The following GPC5 variants were observed in gnomAD, a reference collection of about 807,000 sequenced individuals.
The protein encoded by GPC5 is glypican 5, also known as glypican-5.
In GPC5, 47 loss-of-function variants were observed where a neutral mutation model predicts 53.9. That is an observed-to-expected ratio of 0.87 (90% CI 0.69 to 1.11). GPC5 has a LOEUF of 1.11. Among genes scored for constraint, GPC5 ranks in the 50% most tolerant of loss-of-function variants. GPC5 has a pLI of 0.00. For synonymous variants in GPC5, 286 were observed against 263.3 expected, an observed-to-expected ratio of 1.09 and a Z score of -0.84; for missense variants, 748 against 713.1, an observed-to-expected ratio of 1.05 and a Z score of -0.56.
chr13:92,365,223 C>T (rs559900630), intron 7 of GPC5, among the ~76,000 whole-genome samples: 8 of 151,712 alleles, frequency 5.3e-5, no homozygotes, highest in Admixed American at 4.6e-4. Context: ...TACAAACCTG[C>T]ATAGTACGTT....
intron 7 of GPC5, among the ~76,000 whole-genome samples, chr13:92,529,562 A>T (rs200183585): frequency 2.4e-4 from 36 of 152,310 alleles, no homozygotes; most frequent in African/African-American, 8.2e-4. Flanking sequence ...AATCTAATAT[A>T]GTAATGTAAC....
chr13:92,163,460 C>CAAAAAAAAAAA (rs35480023), intron 7 of GPC5, among the ~76,000 whole-genome samples: 9 of 90,360 alleles, frequency 1.0e-4, no homozygotes, highest in East Asian at 5.4e-4. Flanking sequence ...GATTCCATCT[C>CAAAAAAAAAAA]AAAAAAAAAA....
intron 7 of GPC5, among the ~76,000 whole-genome samples, chr13:92,696,098 TG>T (rs1260588107): frequency 1.2e-4 from 18 of 152,298 alleles, no homozygotes; most frequent in African/African-American, 4.1e-4. Context: ...AGTCTATCGT[TG>T]ATGGGCATTT....
intron 7 of GPC5, among the ~76,000 whole-genome samples, chr13:92,418,577 G>A (rs1384935957): frequency 6.6e-6 from 1 of 151,972 alleles, no homozygotes. Flanking sequence ...AATACTATTA[G>A]GTAAAATTAC....
At chr13:92,472,960 T>G (rs1331649745) in intron 7 of GPC5, among the ~76,000 whole-genome samples, 1 of 152,124 alleles carries the variant, frequency 6.6e-6, no homozygotes, top group Non-Finnish European at 1.5e-5. Flanking sequence ...TTTTGATACC[T>G]AGATAATTCT....
intron 7 of GPC5, among the ~76,000 whole-genome samples, chr13:92,654,820 G>T (rs750286775): frequency 1.3e-5 from 2 of 151,630 alleles, no homozygotes; most frequent in East Asian, 1.9e-4. Context: ...CTGTGAATGT[G>T]ACTTTATTTG....
At chr13:91,490,159 A>G (rs1430318459) in intron 2 of GPC5, among the ~76,000 whole-genome samples, 3 of 152,132 alleles carry the variant, frequency 2.0e-5, no homozygotes, top group Non-Finnish European at 4.4e-5. Flanking sequence ...ATAATTGGAG[A>G]GGGGATGGGT....
chr13:92,199,854 G>C (rs1038977554), intron 7 of GPC5, among the ~76,000 whole-genome samples: 3 of 152,036 alleles, frequency 2.0e-5, no homozygotes, highest in African/African-American at 7.2e-5. Context: ...AATCCCTCTA[G>C]ACTGCTGTAT....
chr13:92,080,841 C>T (rs184936534), intron 6 of GPC5, among the ~76,000 whole-genome samples: 6 of 152,318 alleles, frequency 3.9e-5, no homozygotes, highest in Admixed American at 2.0e-4. Flanking sequence ...AGATACCCAT[C>T]CTACACACAT....
intron 2 of GPC5, among the ~76,000 whole-genome samples, chr13:91,646,326 T>TA (rs1187287117): frequency 7.6e-6 from 1 of 132,238 alleles, no homozygotes; most frequent in African/African-American, 4.4e-5. Context: ...AAAATATATA[T>TA]TTTTTTAACA....
chr13:92,297,764 C>T (rs532094338), intron 7 of GPC5, among the ~76,000 whole-genome samples: 80 of 152,094 alleles, frequency 5.3e-4, no homozygotes, highest in African/African-American at 8.9e-4. Context: ...GCAGGCTGCC[C>T]GAGCCAGCAT....
chr13:92,323,509 C>T (rs2139226061), intron 7 of GPC5, among the ~76,000 whole-genome samples: 1 of 151,582 alleles, frequency 6.6e-6, no homozygotes, highest in East Asian at 1.9e-4. Context: ...CATTTAATAT[C>T]TTATGTAAAT....
At chr13:92,305,743 T>C (rs2139203324) in intron 7 of GPC5, among the ~76,000 whole-genome samples, 1 of 152,308 alleles carries the variant, frequency 6.6e-6, no homozygotes, top group South Asian at 2.1e-4. Context: ...TTTAATTATG[T>C]TTGGTAGAAA....
intron 5 of GPC5, among the ~76,000 whole-genome samples, chr13:91,800,499 G>A (rs1160282744): frequency 1.3e-5 from 2 of 151,972 alleles, no homozygotes; most frequent in Non-Finnish European, 2.9e-5. Context: ...CCTATAGAAC[G>A]TCTCCTATTA....
chr13:92,257,546 A>ATTTTTTTTTTTTT lies in GPC5; in HGVS notation c.1561+112566_1561+112578dup, dbSNP rs398023955. The stretch of plus-strand genomic sequence containing the variant: ...AGTGAGAGAGGTTTCTAATACAGGG[A>ATTTTTTTTTTTTT]TTTTTTTTTTTTTTTTTTTTTGGGG... On this transcript the variant is annotated intron_variant, in intron 7 of 7. Transcript: ENST00000377067. Among the ~76,000 whole-genome samples the ATTTTTTTTTTTTT allele has an allele frequency of 7.1e-3, 514 of 72,862 alleles. 79 individuals are homozygous for ATTTTTTTTTTTTT. The highest frequency in any genetic ancestry group is 0.01 in the Middle Eastern group (1 of 98). 47.8% of individuals were successfully genotyped at this position (72,862 alleles called of 152,430 possible).
intron 7 of GPC5, among the ~76,000 whole-genome samples, chr13:92,772,769 T>C (rs763663369): frequency 1.3e-5 from 2 of 152,214 alleles, no homozygotes; most frequent in East Asian, 3.9e-4. Flanking sequence ...AAGTGCTTGA[T>C]AAATATCTGT....
chr13:91,835,025 A>G (rs2038707284), intron 5 of GPC5, among the ~76,000 whole-genome samples: 1 of 152,226 alleles, frequency 6.6e-6, no homozygotes, highest in African/African-American at 2.4e-5. Context: ...TCCAGAATCT[A>G]CAAAGAACTT....
chr13:91,700,538 G>C (rs1198185504), intron 3 of GPC5, among the ~76,000 whole-genome samples: 2 of 152,188 alleles, frequency 1.3e-5, no homozygotes, highest in Non-Finnish European at 2.9e-5. Flanking sequence ...GACATCTCAA[G>C]TTGCTGGAAA....
At chr13:92,132,065 A>G (rs2138963335) in intron 6 of GPC5, among the ~76,000 whole-genome samples, 1 of 152,278 alleles carries the variant, frequency 6.6e-6, no homozygotes, top group South Asian at 2.1e-4. Flanking sequence ...CATTGATATA[A>G]TAGAATAAAA....
Sources: allele counts gnomAD v4.1 joint callset (sites outside exome capture counted in the v4.1 genomes callset), GRCh38; gene constraint gnomAD v4.1.1; transcripts MANE v1.5; gene names NCBI Gene and HGNC (gene_info 2026-07-23, HGNC 2026-07-21).